The following ZMYND11 variants were observed in gnomAD, a reference collection of about 807,000 sequenced individuals.
The protein encoded by ZMYND11 is zinc finger MYND domain-containing protein 11.
In ZMYND11, 9 loss-of-function variants were observed where a neutral mutation model predicts 84.9. The ratio of observed to expected loss-of-function variants is 0.11; its 90% CI spans 0.06 to 0.18. ZMYND11 has a LOEUF of 0.18. Ranked by LOEUF, ZMYND11 falls within the 10% of genes least tolerant of loss-of-function variation. The pLI, the probability that ZMYND11 is intolerant of heterozygous loss-of-function variation, is 1.00. For synonymous variants in ZMYND11, 250 were observed against 244.1 expected, an observed-to-expected ratio of 1.02 and a Z score of -0.23; for missense variants, 409 against 761.0, an observed-to-expected ratio of 0.54 and a Z score of 5.44.
intron 4 of ZMYND11, among the ~76,000 whole-genome samples, chr10:226,511 TAG>T (rs1948162516): frequency 6.6e-6 from 1 of 152,210 alleles, no homozygotes; most frequent in South Asian, 2.1e-4. Context: ...TTTCATAACT[TAG>T]AGGAGTTGTA....
chr10:247,521 A>G lies in ZMYND11; in HGVS notation c.1227+55A>G, dbSNP rs1952396911. 5 of 1,563,520 alleles carry G rather than the reference A, an allele frequency of 3.2e-6. No individual in the cohort carries two copies. The South Asian group carries it at 4.5e-5, about 14-fold the overall frequency. On this transcript the variant is annotated intron_variant, in intron 12 of 14. Transcript: ENST00000381604. ...GGCAAATGAAACAGGAAATATTTTC[A>G]AAGTATTTTGTATTTTCAAAGTATT... is the stretch of plus-strand genomic sequence containing the variant.
At chr10:186,090 A>G (rs935351284) in intron 2 of ZMYND11, among the ~76,000 whole-genome samples, 29 of 151,122 alleles carry the variant, frequency 1.9e-4, no homozygotes, top group African/African-American at 6.8e-4. Context: ...GCTCACTGCA[A>G]GCTCCGCCTC....
At chr10:202,612 T>C (rs1285373460) in intron 2 of ZMYND11, among the ~76,000 whole-genome samples, 1 of 152,178 alleles carries the variant, frequency 6.6e-6, no homozygotes, top group Non-Finnish European at 1.5e-5. Flanking sequence ...AGTTTTGCGT[T>C]GTTGTCATTC....
intron 1 of ZMYND11, among the ~76,000 whole-genome samples, chr10:166,570 T>TA (rs530766671): frequency 3.5e-4 from 53 of 152,250 alleles, no homozygotes; most frequent in African/African-American, 1.2e-3. Context: ...TGATTTTTTT[T>TA]AAAGTAAAAA....
intron 1 of ZMYND11, among the ~76,000 whole-genome samples, chr10:150,265 T>C (rs1292109119): frequency 6.6e-6 from 1 of 152,178 alleles, no homozygotes; most frequent in Non-Finnish European, 1.5e-5. Flanking sequence ...GTTGGTAAGC[T>C]ATTAATTATT....
At chr10:133,783 A>C (rs935477637), upstream of ZMYND11, among the ~76,000 whole-genome samples, 2 of 152,170 alleles carry the variant, frequency 1.3e-5, no homozygotes, top group Non-Finnish European at 2.9e-5. Flanking sequence ...CTAAATTTTT[A>C]GCGATATATA....
chr10:227,468 G>A (rs966030362), intron 4 of ZMYND11, among the ~76,000 whole-genome samples: 1 of 152,124 alleles, frequency 6.6e-6, no homozygotes, highest in African/African-American at 2.4e-5. Context: ...GTACAGACTG[G>A]CATGTCAGTG....
intron 11 of ZMYND11, 173 bp downstream of exon 11, chr10:247,146 TAA>T: frequency 6.4e-6 from 5 of 782,920 alleles, no homozygotes; most frequent in Non-Finnish European, 1.0e-5. Flanking sequence ...TACATAGATG[TAA>T]CAATCAATGA....
At chr10:171,358 C>T (rs1338091128) in intron 1 of ZMYND11, among the ~76,000 whole-genome samples, 2 of 152,094 alleles carry the variant, frequency 1.3e-5, no homozygotes, top group African/African-American at 4.8e-5. Context: ...TCAATAATAG[C>T]AGATCACACG....
intron 2 of ZMYND11, chr10:198,008 A>G (rs1255664606): frequency 1.6e-6 from 1 of 606,980 alleles, no homozygotes; most frequent in Non-Finnish European, 3.0e-6. Context: ...ATAAACTGGT[A>G]AGTAAGTTTT....
intron 2 of ZMYND11, among the ~76,000 whole-genome samples, chr10:186,110 C>T (rs1434332653): frequency 6.6e-6 from 1 of 151,388 alleles, no homozygotes; most frequent in African/African-American, 2.4e-5. Context: ...CCCGGGTTCA[C>T]ACCATTCTCC....
intron 11 of ZMYND11, 71 bp from the exon 12 acceptor site, chr10:247,327 C>G: frequency 2.6e-6 from 4 of 1,538,516 alleles, no homozygotes; most frequent in Non-Finnish European, 3.6e-6. Flanking sequence ...TGTGGGTCCA[C>G]TATGAGTGTT....
chr10:253,732 T>C lies in ZMYND11; in HGVS notation c.*1262T>C, dbSNP rs1393715480. ...GACCAAGTCAAATTCCCATTTATCA[T>C]TTAGTTATTTTTTGAGGTTAGAGAA... On this transcript the variant is annotated 3_prime_UTR_variant, in exon 15 of 15. Coordinates refer to ENST00000381604, the MANE Select transcript of ZMYND11 (RefSeq NM_001370100.5). 6.6e-6 allele frequency: 1 copy of C among 152,662 alleles called. No individual in the cohort carries two copies. The highest frequency in any genetic ancestry group is 2.4e-5 in the African/African-American group (1 of 41,466). The allele number at this position is 152,662 out of a possible 1,614,324, so 9.5% of individuals were successfully genotyped here.
At chr10:197,491 A>G (rs934237730) in intron 2 of ZMYND11, among the ~76,000 whole-genome samples, 2 of 152,246 alleles carry the variant, frequency 1.3e-5, no homozygotes, top group African/African-American at 4.8e-5. Context: ...TAAGGCTAAT[A>G]TAAGAAAGAC....
At chr10:193,896 T>G (rs1220259103) in intron 2 of ZMYND11, among the ~76,000 whole-genome samples, 2 of 152,226 alleles carry the variant, frequency 1.3e-5, no homozygotes, top group Non-Finnish European at 1.5e-5. Context: ...TATTGGTAGT[T>G]CATTTGTTTT....
chr10:243,095 G>A (rs1951374187), intron 10 of ZMYND11, among the ~76,000 whole-genome samples: 1 of 152,132 alleles, frequency 6.6e-6, no homozygotes, highest in Non-Finnish European at 1.5e-5. Context: ...TGGTAGGTTA[G>A]GGTAAGTCTT....
At chr10:222,925 A>T (rs1243463458) in intron 4 of ZMYND11, among the ~76,000 whole-genome samples, 1 of 152,204 alleles carries the variant, frequency 6.6e-6, no homozygotes, top group East Asian at 1.9e-4. Flanking sequence ...TTCTTATGGT[A>T]AGAATGGGAA....
intron 1 of ZMYND11, among the ~76,000 whole-genome samples, chr10:156,574 C>T (rs1841775566): frequency 6.6e-6 from 1 of 152,110 alleles, no homozygotes; most frequent in Non-Finnish European, 1.5e-5. Context: ...ATGCTATATG[C>T]TTTAAAGTTC....
intron 1 of ZMYND11, among the ~76,000 whole-genome samples, chr10:151,129 G>GC (rs1554756890): frequency 6.6e-6 from 1 of 152,120 alleles, no homozygotes; most frequent in Non-Finnish European, 1.5e-5. Context: ...AAACAGAGCA[G>GC]AAAAGCTCAA....
Sources: gnomAD v4.1 joint callset for allele counts (sites outside exome capture counted in the v4.1 genomes callset) on GRCh38, gnomAD v4.1.1 for gene constraint, MANE v1.5 for transcripts, NCBI Gene and HGNC (gene_info 2026-07-23, HGNC 2026-07-21) for gene names.